The following ATAD2B variants were observed in gnomAD, a reference collection of about 807,000 sequenced individuals.
ATAD2B encodes ATPase family AAA domain-containing protein 2B.
A neutral mutation model predicts 167.6 loss-of-function variants in ATAD2B; 40 were observed. That is an observed-to-expected ratio of 0.24 (90% CI 0.19 to 0.31). The LOEUF is 0.31. ATAD2B is among the 10% of genes least tolerant of loss of function. ATAD2B has a pLI of 1.00. For missense variants in ATAD2B, 1,242 were observed against 1,757.2 expected (o/e 0.71, Z 5.24); for synonymous variants, 579 against 596.5 (o/e 0.97, Z 0.43).
intron 17 of ATAD2B, among the ~76,000 whole-genome samples, 200 bp from the exon 18 acceptor site, chr2:23,810,702 A>G (rs1163809598): frequency 6.6e-6 from 1 of 152,192 alleles, no homozygotes; most frequent in Non-Finnish European, 1.5e-5. Context: ...AATAACCAAG[A>G]TATAAAAGTA....
At chr2:23,872,054 T>G (rs1455375524) in intron 8 of ATAD2B, among the ~76,000 whole-genome samples, 1 of 152,104 alleles carries the variant, frequency 6.6e-6, no homozygotes, top group Non-Finnish European at 1.5e-5. Context: ...ATTTTTGTAT[T>G]TTTAGTAGAG....
chr2:23,926,530 C>A, intron 1 of ATAD2B, 25 bp downstream of exon 1: 1 of 1,536,040 alleles, frequency 6.5e-7, no homozygotes, highest in Non-Finnish European at 8.7e-7. Flanking sequence ...TCCGAGCCTC[C>A]GGACTCGGGA....
chr2:23,884,376 C>T (rs72788302), intron 6 of ATAD2B, among the ~76,000 whole-genome samples: 15,277 of 151,956 alleles, frequency 0.1, 876 homozygotes, highest in Middle Eastern at 0.17. Flanking sequence ...TCAGACCATA[C>T]CTAAATTTGA....
chr2:23,692,156 A>G, the ATAD2B span, among the ~76,000 whole-genome samples: 1 of 152,270 alleles, frequency 6.6e-6, no homozygotes, highest in Non-Finnish European at 1.5e-5. Context: ...AAATGGCACC[A>G]TGAGGGCTGT....
chr2:23,845,333 T>C (rs956016863), intron 13 of ATAD2B, among the ~76,000 whole-genome samples: 2 of 152,126 alleles, frequency 1.3e-5, no homozygotes, highest in African/African-American at 4.8e-5. Context: ...GTGTGTTGTA[T>C]AGCCATACAA....
At chr2:23,708,806 G>A in the ATAD2B span, among the ~76,000 whole-genome samples, 2 of 152,182 alleles carry the variant, frequency 1.3e-5, no homozygotes, top group African/African-American at 2.4e-5. Context: ...AAAGTTGAAA[G>A]GGACTTGCAA....
chr2:23,724,023 A>G, the ATAD2B span, among the ~76,000 whole-genome samples: 1 of 152,246 alleles, frequency 6.6e-6, no homozygotes, highest in South Asian at 2.1e-4. Flanking sequence ...CCAGGAACAG[A>G]AAGTTAAACA....
chr2:23,737,059 C>T, the ATAD2B span, among the ~76,000 whole-genome samples: 2 of 152,248 alleles, frequency 1.3e-5, no homozygotes, highest in East Asian at 3.8e-4. Context: ...GAAGCTCGAA[C>T]TGGATGGAGC....
At position 23,926,699 on chromosome 2, in the gene ATAD2B, C is replaced by T; in HGVS notation, c.72G>A (p.Gly24=). The change falls in exon 1 of 28, where the codon GGG becomes GGA. Residue 24 remains glycine (G), a synonymous_variant. Transcript: ENST00000238789. Reference sequence around the variant, plus strand: ...CGGTCGCCCCAGGCTCTGCTCCGGCCCCAGGCCCAGGCCCGGGACCAGGAG... The same window carrying T: ...CGGTCGCCCCAGGCTCTGCTCCGGCTCCAGGCCCAGGCCCGGGACCAGGAG... ...SKSPGPGPGP[G]AGAEPGATGG... 6.4e-7 allele frequency: 1 copy of T among 1,550,524 alleles called. No individual in the cohort carries two copies. The highest frequency in any genetic ancestry group is 8.7e-7 in the Non-Finnish European group (1 of 1,147,322).
intron 13 of ATAD2B, among the ~76,000 whole-genome samples, chr2:23,837,442 G>A (rs1315697537): frequency 3.9e-5 from 6 of 152,170 alleles, no homozygotes; most frequent in African/African-American, 7.2e-5. Context: ...CCAGGCCCCC[G>A]CAAGAGCACA....
intron 1 of ATAD2B, among the ~76,000 whole-genome samples, chr2:23,921,217 A>AC (rs1406395638): frequency 1.3e-5 from 2 of 150,498 alleles, no homozygotes; most frequent in African/African-American, 4.9e-5. Flanking sequence ...AAAAAAAAAA[A>AC]AAAAAAAAAA....
At chr2:23,745,372 G>GGAA (rs1558476015), downstream of ATAD2B, among the ~76,000 whole-genome samples, 3 of 65,076 alleles carry the variant, frequency 4.6e-5, no homozygotes, top group African/African-American at 1.7e-4. Context: ...AAGGAAAGAA[G>GGAA]GAAGGAAGGA....
the ATAD2B span, among the ~76,000 whole-genome samples, chr2:23,678,755 A>G: frequency 6.6e-6 from 1 of 152,254 alleles, no homozygotes; most frequent in African/African-American, 2.4e-5. Flanking sequence ...ATCCTGATGC[A>G]TGCTACCATG....
At chr2:23,719,304 C>T in the ATAD2B span, among the ~76,000 whole-genome samples, 4 of 152,090 alleles carry the variant, frequency 2.6e-5, no homozygotes, top group Non-Finnish European at 4.4e-5. Context: ...AATGACTTGA[C>T]ATACAAGGAA....
At chr2:23,860,949 C>T (rs1041656342) in intron 12 of ATAD2B, among the ~76,000 whole-genome samples, 3 of 151,828 alleles carry the variant, frequency 2.0e-5, no homozygotes, top group Non-Finnish European at 4.4e-5. Context: ...CCAGCCCGGG[C>T]GACAAAAGCG....
chr2:23,689,585 G>C, the ATAD2B span: 1 of 152,456 alleles, frequency 6.6e-6, no homozygotes, highest in South Asian at 2.1e-4. Flanking sequence ...GAGCTCCTCT[G>C]CCTGAGGACT....
intron 1 of ATAD2B, among the ~76,000 whole-genome samples, chr2:23,904,211 TA>T (rs967844551): frequency 4.6e-5 from 7 of 151,908 alleles, no homozygotes; most frequent in African/African-American, 1.7e-4. Flanking sequence ...GTCAAAACCT[TA>T]AAAAAATGCC....
chr2:23,704,779 G>A, the ATAD2B span, among the ~76,000 whole-genome samples: 1 of 152,078 alleles, frequency 6.6e-6, no homozygotes, highest in Non-Finnish European at 1.5e-5. Flanking sequence ...AAAAAAGAAG[G>A]GGCCTCAGAA....
chr2:23,714,406 A>ATTTT, the ATAD2B span, among the ~76,000 whole-genome samples: 174 of 139,282 alleles, frequency 1.2e-3, 6 homozygotes, highest in East Asian at 9.8e-3. Flanking sequence ...CGCCCGGCAA[A>ATTTT]TTTTTTTTTT....
Sources: gnomAD v4.1 joint callset for allele counts (sites outside exome capture counted in the v4.1 genomes callset) on GRCh38, gnomAD v4.1.1 for gene constraint, MANE v1.5 for transcripts, NCBI Gene and HGNC (gene_info 2026-07-23, HGNC 2026-07-21) for gene names.